Variants in EIF3H observed in about 807,000 individuals in gnomAD.
EIF3H encodes the protein eIF-3-gamma.
In EIF3H, 26 loss-of-function variants were observed where a neutral mutation model predicts 44.2. The ratio of observed to expected loss-of-function variants is 0.59; its 90% confidence interval spans 0.43 to 0.82. The LOEUF (loss-of-function observed/expected upper bound fraction) is 0.82. Among genes scored for constraint, EIF3H ranks in the 40% least tolerant of loss-of-function variants. The pLI is 0.00. For synonymous variants in EIF3H, 166 were observed against 151.9 expected, an observed-to-expected ratio of 1.09 and a Z score of -0.68; for missense variants, 359 against 432.8, an observed-to-expected ratio of 0.83 and a Z score of 1.51.
At chr8:116,730,115 A>G (rs1814927049) in intron 1 of EIF3H, among the ~76,000 whole-genome samples, 1 of 152,176 alleles carries the variant, frequency 6.6e-6, no homozygotes, top group Non-Finnish European at 1.5e-5. Context: ...ATACACACTA[A>G]AACCTCAGTT....
chr8:116,646,737 T>C (rs1482223902), intron 6 of EIF3H, 134 bp from the exon 7 acceptor site: 10 of 1,259,470 alleles, frequency 7.9e-6, no homozygotes, highest in African/African-American at 1.5e-5. Context: ...TGGCAACATT[T>C]GGTAACTTGC....
chr8:116,697,024 T>C (rs1434680487), intron 2 of EIF3H: 3 of 453,576 alleles, frequency 6.6e-6, no homozygotes, highest in East Asian at 7.0e-5. Flanking sequence ...GAGATAACAG[T>C]AGTCTCACTG....
chr8:116,738,522 T>C (rs1187312758), intron 1 of EIF3H, among the ~76,000 whole-genome samples: 3 of 144,638 alleles, frequency 2.1e-5, no homozygotes, highest in Non-Finnish European at 4.5e-5. Flanking sequence ...AAGAGGTAAC[T>C]AACGTCTGGC....
chr8:116,674,504 T>C (rs764203248), intron 2 of EIF3H, among the ~76,000 whole-genome samples: 15 of 152,226 alleles, frequency 9.9e-5, no homozygotes, highest in East Asian at 1.9e-4. Flanking sequence ...AATTGTTAAA[T>C]AGAAAGTCTC....
chr8:116,698,197 C>T (rs1814303201), intron 2 of EIF3H, among the ~76,000 whole-genome samples: 1 of 151,668 alleles, frequency 6.6e-6, no homozygotes, highest in South Asian at 2.1e-4. Context: ...TTTTTTTTAA[C>T]CATGGCTTTA....
rs542638877 is a variant in EIF3H, at chr8:116,745,759, C to T, written c.132+9907G>A. On this transcript the variant is annotated intron_variant, in intron 1 of 7. Coordinates refer to ENST00000521861, the MANE Select transcript of EIF3H (RefSeq NM_003756.3). ...CAGTCTGGCCAACATGGCAACACCCCGTCTCTACTAAAAATACAAAAATTA... is the reference window on the plus strand; with the variant it reads ...CAGTCTGGCCAACATGGCAACACCCTGTCTCTACTAAAAATACAAAAATTA... Among the ~76,000 whole-genome samples, 5 of 151,994 alleles carry T rather than the reference C, an allele frequency of 3.3e-5. No homozygotes were observed. The South Asian group carries it at 6.2e-4, about 19-fold the overall frequency.
chr8:116,748,903 G>T lies in EIF3H; in HGVS notation c.132+6763C>A, dbSNP rs184306079. The stretch of plus-strand genomic sequence containing the variant: ...ATGTAAATAATTATTATACTGTATT[G>T]GTTTTTATTTGTATTTTTAGTTGTT... On this transcript the variant is annotated intron_variant, in intron 1 of 7. Transcript: ENST00000521861. 3.5e-3 allele frequency among the ~76,000 whole-genome samples: 535 copies of T among 152,060 alleles called. 1 individual carries two copies. Among genetic ancestry groups the T allele is most frequent in the Non-Finnish European group, 5.6e-3 (382 of 67,974 alleles).
At chr8:116,656,071 T>C in intron 4 of EIF3H, 66 bp from the exon 5 acceptor site, 1 of 1,492,956 alleles carries the variant, frequency 6.7e-7, no homozygotes, top group East Asian at 2.3e-5. Context: ...GACTACTTCA[T>C]AAAATTTACC....
At position 116,696,944 on chromosome 8, in the gene EIF3H, C is replaced by T. The variant is rs554314385; in HGVS notation, c.289+29072G>A. 3.6e-5 allele frequency: 13 copies of T among 356,396 alleles called. No homozygotes were observed. The East Asian group carries it at 5.2e-4, about 14-fold the overall frequency. The allele number at this position is 356,396 out of a possible 1,614,324, so 22.1% of individuals were successfully genotyped here. On this transcript the variant is annotated intron_variant, in intron 2 of 7. Transcript: ENST00000521861. ...CACAAAACCAACAGTTAAGGCAGAA[C>T]ATGTACACAAACAAAAAAAGCTAGG...
intron 2 of EIF3H, among the ~76,000 whole-genome samples, chr8:116,679,349 G>A (rs868551400): frequency 1.9e-4 from 14 of 72,502 alleles, no homozygotes; most frequent in African/African-American, 4.6e-4. Flanking sequence ...AAGGTGGGGG[G>A]GTCAGCCCCC....
rs550915726 is a variant in EIF3H at position 116,705,754 on chromosome 8, C to T, written c.289+20262G>A. Among the ~76,000 whole-genome samples the T allele has an allele frequency of 1.2e-4, 18 of 151,938 alleles. 1 individual carries two copies. The highest frequency in any genetic ancestry group is 4.1e-4 in the African/African-American group (17 of 41,426). On this transcript the variant is annotated intron_variant, in intron 2 of 7. Transcript: ENST00000521861. ...GCAACGTGGTATTCTAGACTGGATC[C>T]TAGAAAAGGACGTCACCAGAAAAAC...
intron 1 of EIF3H, among the ~76,000 whole-genome samples, chr8:116,764,090 A>G (rs966131616): frequency 5.3e-5 from 8 of 152,238 alleles, no homozygotes; most frequent in Admixed American, 2.0e-4. Context: ...CATAAAAAAT[A>G]AAGAAAAATA....
In EIF3H at chr8:116,684,904, G is replaced by A. The variant is rs541596198; in HGVS notation, c.290-25924C>T. On this transcript the variant is annotated intron_variant, in intron 2 of 7. Coordinates refer to ENST00000521861, the MANE Select transcript of EIF3H (RefSeq NM_003756.3). ...CATATCTGCTTCAAATGCTTTTTTG[G>A]AAGGAGTATGTAAATCATAAATATT... is the stretch of plus-strand genomic sequence containing the variant. Among the ~76,000 whole-genome samples the A allele has an allele frequency of 2.2e-4, 34 of 152,186 alleles. No homozygotes were observed. In the Middle Eastern group the frequency reaches 0.024, roughly 107 times the overall value.
chr8:116,714,744 TCAAA>T (rs1374378723), intron 2 of EIF3H, among the ~76,000 whole-genome samples: 1 of 152,014 alleles, frequency 6.6e-6, no homozygotes, highest in Non-Finnish European at 1.5e-5. Context: ...AAAAAATCTG[TCAAA>T]CAGACCACAA....
At chr8:116,718,654 A>G (rs6988841) in intron 2 of EIF3H, among the ~76,000 whole-genome samples, 128,744 of 150,852 alleles carry the variant, frequency 0.85, 55,073 homozygotes, top group Middle Eastern at 0.89. Flanking sequence ...GTTCTCATTC[A>G]TAAGTGGGAG....
intron 2 of EIF3H, among the ~76,000 whole-genome samples, chr8:116,670,428 A>AAC (rs1813733971): frequency 6.6e-6 from 1 of 152,164 alleles, no homozygotes; most frequent in Admixed American, 6.5e-5. Flanking sequence ...GTTCAGAGAA[A>AAC]TCTCCAGCTT....
rs1054728780 is a variant in EIF3H at position 116,696,175 on chromosome 8, A to T, written c.289+29841T>A. ...TCCTTAGAAATGACTGAATCCAGAG[A>T]TGGGACAGGGAAGGTACAAAATGAG... is the stretch of plus-strand genomic sequence containing the variant. On this transcript the variant is annotated intron_variant, in intron 2 of 7. Transcript: ENST00000521861. Among the ~76,000 whole-genome samples the T allele has an allele frequency of 3.3e-5, 5 of 152,316 alleles. No homozygotes were observed. In the East Asian group the frequency reaches 9.6e-4, roughly 29 times the overall value.
At chr8:116,648,780 T>G (rs759917258) in intron 6 of EIF3H, 26 bp downstream of exon 6, 1 of 1,557,474 alleles carries the variant, frequency 6.4e-7, no homozygotes, top group Non-Finnish European at 8.7e-7. Context: ...AAATAGCTGT[T>G]TGTTGAATTT....
intron 2 of EIF3H, among the ~76,000 whole-genome samples, chr8:116,691,940 G>C (rs2130862796): frequency 6.6e-6 from 1 of 151,730 alleles, no homozygotes; most frequent in East Asian, 1.9e-4. Flanking sequence ...TTCTGGGTTA[G>C]ACACAATTAC....
Sources: allele counts gnomAD v4.1 joint callset (sites outside exome capture counted in the v4.1 genomes callset), GRCh38; gene constraint gnomAD v4.1.1; transcripts MANE v1.5; gene names NCBI Gene and HGNC (gene_info 2026-07-23, HGNC 2026-07-21).